The following PTCHD4 variants were observed in gnomAD, a reference collection of about 807,000 sequenced individuals.
The protein encoded by PTCHD4 is patched domain-containing protein 4.
In PTCHD4, 33 loss-of-function variants were observed where a neutral mutation model predicts 58.1. The observed-to-expected ratio is 0.57, with a 90% CI of 0.43 to 0.76. The LOEUF (loss-of-function observed/expected upper bound fraction) is 0.76. Ranked by LOEUF, PTCHD4 falls within the 30% of genes least tolerant of loss-of-function variation. The pLI, the probability that PTCHD4 is intolerant of heterozygous loss-of-function variation, is 0.00. For missense variants in PTCHD4, 1,058 were observed against 1,027.1 expected (o/e 1.03, Z -0.41); for synonymous variants, 478 against 409.6 (o/e 1.17, Z -2.02).
In PTCHD4 at chr6:48,039,241, A is replaced by G. The variant is rs114254631; in HGVS notation, c.417+28989T>C. Among the ~76,000 whole-genome samples, 982 of 152,276 alleles carry G rather than the reference A, an allele frequency of 6.4e-3. 14 individuals are homozygous for G. Among genetic ancestry groups the G allele is most frequent in the African/African-American group, 0.022 (928 of 41,558 alleles). On this transcript the variant is annotated intron_variant, in intron 3 of 4. Coordinates refer to ENST00000339488, the MANE Select transcript of PTCHD4 (RefSeq NM_001384253.1). ...GAAAGGAACCAATAAGGCTAAGCAA[A>G]TCAATATGGATAAATCACACAAATA...
chr6:48,029,701 C>A (rs1340075611), intron 3 of PTCHD4, among the ~76,000 whole-genome samples: 14 of 151,984 alleles, frequency 9.2e-5, no homozygotes, highest in Admixed American at 9.2e-4. Context: ...TTTTTCATGG[C>A]AATACAGTTA....
At chr6:47,883,842 T>G (rs1764097776) in intron 4 of PTCHD4, among the ~76,000 whole-genome samples, 1 of 152,160 alleles carries the variant, frequency 6.6e-6, no homozygotes, top group East Asian at 1.9e-4. Flanking sequence ...TGGGGCAAAT[T>G]TGGCTTCAAT....
At chr6:47,923,183 TA>T (rs140754389) in intron 4 of PTCHD4, among the ~76,000 whole-genome samples, 81 of 152,332 alleles carry the variant, frequency 5.3e-4, no homozygotes, top group Middle Eastern at 3.4e-3. Context: ...AAATAACATT[TA>T]AAAATATTCT....
chr6:47,990,814 C>A (rs1440928251), intron 4 of PTCHD4, among the ~76,000 whole-genome samples: 1 of 151,874 alleles, frequency 6.6e-6, no homozygotes, highest in East Asian at 1.9e-4. Flanking sequence ...ATAGGCAACT[C>A]CAAGAAGAAC....
chr6:48,008,596 C>T, intron 4 of PTCHD4, 38 bp downstream of exon 4: 1 of 1,589,744 alleles, frequency 6.3e-7, no homozygotes, highest in Non-Finnish European at 8.6e-7. Flanking sequence ...TTGCCCCAAA[C>T]CGGTAAGAAT....
intron 4 of PTCHD4, among the ~76,000 whole-genome samples, chr6:47,985,583 T>A (rs955541119): frequency 6.6e-6 from 1 of 152,128 alleles, no homozygotes; most frequent in East Asian, 1.9e-4. Flanking sequence ...ATTTAGTGGA[T>A]GATGAAAGAA....
rs1765283780 is a variant in PTCHD4 at position 47,917,151 on chromosome 6, T to A, written c.899-37215A>T. Among the ~76,000 whole-genome samples, 8 of 152,186 alleles carry A rather than the reference T, an allele frequency of 5.3e-5. No individual in the cohort carries two copies. The South Asian group carries it at 1.7e-3, about 32-fold the overall frequency. ...AGCAAAATATGATTACATTTTTGTATCTAAAACATAATTATATTTTTCAAA... is the reference window on the plus strand; with the variant it reads ...AGCAAAATATGATTACATTTTTGTAACTAAAACATAATTATATTTTTCAAA... On this transcript the variant is annotated intron_variant, in intron 4 of 4. Coordinates refer to ENST00000339488, the MANE Select transcript of PTCHD4 (RefSeq NM_001384253.1).
In PTCHD4 at chr6:47,989,836, C is replaced by T. The variant is rs556425554; in HGVS notation, c.898+18798G>A. 2.6e-5 allele frequency among the ~76,000 whole-genome samples: 4 copies of T among 152,322 alleles called. No individual in the cohort carries two copies. The South Asian group carries it at 8.3e-4, about 32-fold the overall frequency. On this transcript the variant is annotated intron_variant, in intron 4 of 4. Coordinates refer to ENST00000339488, the MANE Select transcript of PTCHD4 (RefSeq NM_001384253.1). ...ACCCCACAGAGAGGCCCCACCGGGGCACCACCTAGTGGAGCTGTGCGAAGA... is the reference window on the plus strand; with the variant it reads ...ACCCCACAGAGAGGCCCCACCGGGGTACCACCTAGTGGAGCTGTGCGAAGA...
chr6:48,061,193 A>G (rs1288089914), intron 3 of PTCHD4, among the ~76,000 whole-genome samples: 5 of 152,232 alleles, frequency 3.3e-5, no homozygotes, highest in African/African-American at 1.2e-4. Context: ...AAGGGACTTG[A>G]GAAAAATGCT....
intron 4 of PTCHD4, among the ~76,000 whole-genome samples, chr6:47,999,701 G>T (rs1440321030): frequency 6.6e-6 from 1 of 152,112 alleles, no homozygotes; most frequent in Non-Finnish European, 1.5e-5. Context: ...TAATAAAGTG[G>T]TTGTTTTATC....
At chr6:48,098,242 C>T (rs1765516545) in intron 1 of PTCHD4, among the ~76,000 whole-genome samples, 1 of 152,004 alleles carries the variant, frequency 6.6e-6, no homozygotes. Flanking sequence ...GTAGCAAACA[C>T]AGGAGTTACT....
chr6:47,922,117 A>G (rs1471229153), intron 4 of PTCHD4, among the ~76,000 whole-genome samples: 1 of 152,030 alleles, frequency 6.6e-6, no homozygotes, highest in Non-Finnish European at 1.5e-5. Flanking sequence ...CAGCCTGGCC[A>G]CAGAGTAAGA....
At chr6:47,920,023 A>T (rs574499484) in intron 4 of PTCHD4, among the ~76,000 whole-genome samples, 5 of 152,088 alleles carry the variant, frequency 3.3e-5, no homozygotes, top group Non-Finnish European at 7.4e-5. Flanking sequence ...TGCTTGAAGG[A>T]ACCCGGTCCC....
chr6:48,008,587 T>G, intron 4 of PTCHD4, 47 bp downstream of exon 4: 1 of 1,577,534 alleles, frequency 6.3e-7, no homozygotes, highest in Non-Finnish European at 8.6e-7. Flanking sequence ...TATACTACCT[T>G]GCCCCAAACC....
chr6:47,954,595 A>G (rs1188099022), intron 4 of PTCHD4, among the ~76,000 whole-genome samples: 4 of 152,228 alleles, frequency 2.6e-5, no homozygotes, highest in African/African-American at 9.6e-5. Flanking sequence ...CATTAGAGGC[A>G]TTCTTTAAGT....
chr6:48,079,807 A>G lies in PTCHD4; in HGVS notation c.-969-9881T>C, dbSNP rs1431306686. Among the ~76,000 whole-genome samples, 3 of 151,590 alleles carry G rather than the reference A, an allele frequency of 2.0e-5. No homozygotes were observed. The East Asian group carries it at 5.8e-4, about 29-fold the overall frequency. On this transcript the variant is annotated intron_variant, in intron 1 of 4. Transcript: ENST00000339488. ...CCACCTCCATGGCAACCCTTCATAT[A>G]CCACTGCTCCTAGGAGCTGAAACTG... is the stretch of plus-strand genomic sequence containing the variant.
intron 1 of PTCHD4, among the ~76,000 whole-genome samples, chr6:48,089,715 A>G (rs1765328456): frequency 6.6e-6 from 1 of 152,226 alleles, no homozygotes; most frequent in African/African-American, 2.4e-5. Context: ...AGCAAAACCT[A>G]TTCATTGTGA....
intron 4 of PTCHD4, chr6:47,901,945 A>T (rs2114148528): frequency 1.5e-6 from 2 of 1,291,476 alleles, no homozygotes; most frequent in East Asian, 5.6e-5. Flanking sequence ...CCTTAAAAAT[A>T]GTATGAGCAA....
intron 1 of PTCHD4, among the ~76,000 whole-genome samples, chr6:48,105,697 C>T (rs560776275): frequency 1.4e-3 from 210 of 151,886 alleles, no homozygotes; most frequent in African/African-American, 4.3e-3. Context: ...ATTGATAGAC[C>T]GCTAGCAAGA....
Sources: allele counts gnomAD v4.1 joint callset (sites outside exome capture counted in the v4.1 genomes callset), GRCh38; gene constraint gnomAD v4.1.1; transcripts MANE v1.5; gene names NCBI Gene and HGNC (gene_info 2026-07-23, HGNC 2026-07-21).